Variants in MDN1 observed in about 807,000 individuals in gnomAD.
MDN1 encodes midasin AAA ATPase 1, also known as midasin.
MDN1 carries 266 observed loss-of-function variants against 669.2 expected under a neutral mutation model. The ratio of observed to expected loss-of-function variants is 0.40; its 90% CI spans 0.36 to 0.44. MDN1 has a LOEUF of 0.44. Ranked by LOEUF, MDN1 falls within the 20% of genes least tolerant of loss-of-function variation. MDN1 has a pLI of 1.00. For synonymous variants in MDN1, 2,385 were observed against 2,457.1 expected, an observed-to-expected ratio of 0.97 and a Z score of 0.87; for missense variants, 5,940 against 6,754.0, an observed-to-expected ratio of 0.88 and a Z score of 4.22.
At chr6:89,680,792 A>T in intron 73 of MDN1, 41 bp from the exon 74 acceptor site, 1 of 1,598,430 alleles carries the variant, frequency 6.3e-7, no homozygotes, top group Non-Finnish European at 8.5e-7. Flanking sequence ...GCCAAGAATG[A>T]CAGGCAGTGT....
chr6:89,803,195 T>A, intron 2 of MDN1, 133 bp downstream of exon 2: 1 of 773,570 alleles, frequency 1.3e-6, no homozygotes, highest in Non-Finnish European at 2.1e-6. Context: ...ACTCTTTTTA[T>A]AAAACAATAC....
In MDN1 at chr6:89,718,752, A is replaced by AG; in HGVS notation, c.6321+14dup. The stretch of plus-strand genomic sequence containing the variant: ...TATTATGCTTTGCCAGAAAATATGA[A>AG]GGCAGACTGGTTACCTGCTCAAATC... On this transcript the variant is annotated intron_variant, in intron 42 of 101. Coordinates refer to ENST00000369393, the MANE Select transcript of MDN1 (RefSeq NM_014611.3). 1 of 1,612,256 alleles carries AG rather than the reference A, an allele frequency of 6.2e-7. No individual in the cohort carries two copies. The highest frequency in any genetic ancestry group is 8.5e-7 in the Non-Finnish European group (1 of 1,178,430).
intron 19 of MDN1, 23 bp from the exon 20 acceptor site, chr6:89,756,413 C>A (rs930659704): frequency 8.6e-7 from 1 of 1,164,732 alleles, no homozygotes; most frequent in Non-Finnish European, 1.2e-6. Context: ...ACATAATAAA[C>A]ACTTTTTAGG....
chr6:89,785,261 C>A, intron 8 of MDN1, 135 bp from the exon 9 acceptor site: 1 of 637,750 alleles, frequency 1.6e-6, no homozygotes, highest in East Asian at 2.7e-5. Flanking sequence ...CCAGATACTA[C>A]ACTGTTGGGC....
intron 27 of MDN1, among the ~76,000 whole-genome samples, chr6:89,746,263 GA>G (rs769504693): frequency 7.9e-5 from 12 of 152,116 alleles, no homozygotes; most frequent in Non-Finnish European, 1.2e-4. Flanking sequence ...CTTTACATGG[GA>G]AAATGCTTTA....
intron 7 of MDN1, among the ~76,000 whole-genome samples, chr6:89,788,209 C>T (rs189165585): frequency 1.5e-3 from 228 of 152,244 alleles, no homozygotes; most frequent in African/African-American, 5.3e-3. Context: ...ACAGACAGGA[C>T]CAAGGCTTTA....
chr6:89,818,280 C>T (rs1041613727), intron 1 of MDN1, among the ~76,000 whole-genome samples: 1 of 131,412 alleles, frequency 7.6e-6, no homozygotes, highest in African/African-American at 3.0e-5. Context: ...GAGGGTGGGC[C>T]ATTGCACTCC....
chr6:89,787,800 A>T, intron 8 of MDN1, 54 bp downstream of exon 8: 1 of 1,376,216 alleles, frequency 7.3e-7, no homozygotes, highest in South Asian at 1.2e-5. Flanking sequence ...CTCAGCATGC[A>T]GACTTACGAG....
chr6:89,644,909 G>T, intron 101 of MDN1, 106 bp downstream of exon 101: 1 of 1,198,632 alleles, frequency 8.3e-7, no homozygotes. Flanking sequence ...ATGAATGCTG[G>T]GAGTTCTCAG....
intron 44 of MDN1, 136 bp from the exon 45 acceptor site, chr6:89,715,905 T>A (rs1395225539): frequency 7.3e-6 from 5 of 683,606 alleles, no homozygotes; most frequent in Non-Finnish European, 1.3e-5. Context: ...ACAACAGTGA[T>A]CTCTTTCAAA....
In MDN1 at chr6:89,688,660, T is replaced by C; in HGVS notation, c.11172A>G (p.Ala3724=). ...DFYQHPNVPE[A]RQCQPVLQGF... ...CTTGAAGCACAGGTTGACACTGCCG[T>C]GCTTCTGGAACATTGGGATGCTGGT... The change falls in exon 66 of 102, where the codon GCA becomes GCG. Residue 3724 remains alanine (A), a synonymous_variant. Coordinates refer to ENST00000369393, the MANE Select transcript of MDN1 (RefSeq NM_014611.3). The C allele has an allele frequency of 6.2e-7, 1 of 1,614,178 alleles. No individual in the cohort carries two copies. The highest frequency in any genetic ancestry group is 8.5e-7 in the Non-Finnish European group (1 of 1,180,028).
chr6:89,738,250 C>A, intron 33 of MDN1, 76 bp downstream of exon 33: 1 of 1,535,410 alleles, frequency 6.5e-7, no homozygotes, highest in African/African-American at 1.4e-5. Context: ...GGCTGATGTC[C>A]TGTAAGAGAT....
chr6:89,811,030 T>C (rs919437483), intron 1 of MDN1, among the ~76,000 whole-genome samples: 2 of 152,158 alleles, frequency 1.3e-5, no homozygotes, highest in African/African-American at 4.8e-5. Flanking sequence ...CTTTATTACA[T>C]CTGCAAAGAC....
At chr6:89,791,515 A>G (rs1275552383) in intron 5 of MDN1, among the ~76,000 whole-genome samples, 5 of 152,208 alleles carry the variant, frequency 3.3e-5, no homozygotes, top group Non-Finnish European at 7.3e-5. Flanking sequence ...ATGAAATGTA[A>G]TTGATAATTA....
In MDN1 at chr6:89,732,545, C is replaced by T; in HGVS notation, c.4942+12G>A. 1.2e-6 allele frequency: 2 copies of T among 1,612,836 alleles called. No homozygotes were observed. Among genetic ancestry groups the T allele is most frequent in the Non-Finnish European group, 1.7e-6 (2 of 1,178,900 alleles). On this transcript the variant is annotated intron_variant, in intron 34 of 101. Coordinates refer to ENST00000369393, the MANE Select transcript of MDN1 (RefSeq NM_014611.3). ...CGAGCCCCTTGTCCCCACCAGCTAC[C>T]AGACAACATACCTGAACCTATTCCA...
chr6:89,810,510 T>C (rs1346559288), intron 1 of MDN1, among the ~76,000 whole-genome samples: 2 of 152,096 alleles, frequency 1.3e-5, no homozygotes, highest in Non-Finnish European at 2.9e-5. Context: ...AGTTTGGAAG[T>C]CCAAGATCAG....
chr6:89,794,692 C>T lies in MDN1; in HGVS notation c.439G>A (p.Asp147Asn). The change falls in exon 3 of 102, where the codon GAC becomes AAC. Residue 147 changes from aspartate (D) to asparagine (N), a missense_variant. Transcript: ENST00000369393. ...RYGRRRMKLR[D>N]LMEAAFKFLQ... is the part of the protein sequence containing the mutation. The stretch of plus-strand genomic sequence containing the variant: ...AACTTGAAGGCTGCTTCCATTAGGT[C>T]CCGGAGCTTCATCCTCCTACGTCCA... 1 of 1,614,196 alleles carries T rather than the reference C, an allele frequency of 6.2e-7. No individual in the cohort carries two copies. Among genetic ancestry groups the T allele is most frequent in the Non-Finnish European group, 8.5e-7 (1 of 1,180,038 alleles).
intron 71 of MDN1, among the ~76,000 whole-genome samples, chr6:89,684,572 C>T (rs113742686): frequency 6.6e-6 from 1 of 152,026 alleles, no homozygotes; most frequent in African/African-American, 2.4e-5. Flanking sequence ...TGGACCAACA[C>T]AACATGGCAT....
chr6:89,650,662 CG>C, intron 96 of MDN1, 69 bp downstream of exon 96: 1 of 1,195,158 alleles, frequency 8.4e-7, no homozygotes, highest in Non-Finnish European at 1.2e-6. Flanking sequence ...TTAGGTGCCG[CG>C]TTCAACAGAA....
Sources: gnomAD v4.1 joint callset for allele counts (sites outside exome capture counted in the v4.1 genomes callset) on GRCh38, gnomAD v4.1.1 for gene constraint, MANE v1.5 for transcripts, NCBI Gene and HGNC (gene_info 2026-07-23, HGNC 2026-07-21) for gene names.